Variants in ARIH1 observed in about 807,000 individuals in gnomAD.
The protein encoded by ARIH1 is ariadne RBR E3 ubiquitin protein ligase 1.
A neutral mutation model predicts 85.0 loss-of-function variants in ARIH1; 8 were observed. The ratio of observed to expected loss-of-function variants is 0.09; its 90% CI spans 0.06 to 0.17. The LOEUF is 0.17. ARIH1 is among the 10% of genes least tolerant of loss of function. ARIH1 has a pLI of 1.00. For missense variants in ARIH1, 311 were observed against 718.1 expected, an observed-to-expected ratio of 0.43 and a Z score of 6.48; for synonymous variants, 238 against 253.6, an observed-to-expected ratio of 0.94 and a Z score of 0.59.
chr15:72,504,512 G>A (rs1346149750), intron 1 of ARIH1, among the ~76,000 whole-genome samples: 1 of 152,212 alleles, frequency 6.6e-6, no homozygotes, highest in East Asian at 1.9e-4. Flanking sequence ...CTAGAGAAGA[G>A]ACAGGTTGGG....
intron 1 of ARIH1, among the ~76,000 whole-genome samples, chr15:72,476,135 C>T (rs2063794075): frequency 6.6e-6 from 1 of 152,132 alleles, no homozygotes; most frequent in South Asian, 2.1e-4. Flanking sequence ...TATTCATTGA[C>T]AAATTAGAAG....
intron 11 of ARIH1, among the ~76,000 whole-genome samples, chr15:72,576,502 T>C (rs866071699): frequency 1.8e-3 from 138 of 77,972 alleles, no homozygotes; most frequent in African/African-American, 5.9e-3. Flanking sequence ...CAAGACTCTG[T>C]CTCAAAAAAA....
chr15:72,483,912 C>A (rs751364048), intron 1 of ARIH1, among the ~76,000 whole-genome samples: 5 of 151,830 alleles, frequency 3.3e-5, no homozygotes, highest in Non-Finnish European at 7.4e-5. Flanking sequence ...TGGCTCACGC[C>A]TGTAATCCCA....
In ARIH1 at chr15:72,509,224, T is replaced by C. The variant is rs151223490; in HGVS notation, c.376-8843T>C. Among the ~76,000 whole-genome samples the C allele has an allele frequency of 3.8e-3, 574 of 151,782 alleles. 4 individuals are homozygous for C. The highest frequency in any genetic ancestry group is 0.013 in the African/African-American group (554 of 41,396). ...CAGCCTGGCCTTGAAGTCCTGACCT[T>C]AAGTGATCACCTGCCTCGGTCTCCC... is the stretch of plus-strand genomic sequence containing the variant. On this transcript the variant is annotated intron_variant, in intron 1 of 13. Coordinates refer to ENST00000379887, the MANE Select transcript of ARIH1 (RefSeq NM_005744.5).
chr15:72,516,983 A>T (rs2063977785), intron 1 of ARIH1, among the ~76,000 whole-genome samples: 1 of 152,104 alleles, frequency 6.6e-6, no homozygotes, highest in Non-Finnish European at 1.5e-5. Flanking sequence ...GGCCTTGCTG[A>T]CTTCTTAGGC....
At chr15:72,513,980 A>T (rs922960927) in intron 1 of ARIH1, among the ~76,000 whole-genome samples, 2 of 149,988 alleles carry the variant, frequency 1.3e-5, no homozygotes, top group Non-Finnish European at 3.0e-5. Context: ...AGCTACTGGG[A>T]CTAATACGCC....
At chr15:72,556,177 C>G (rs1164654778) in intron 5 of ARIH1, among the ~76,000 whole-genome samples, 1 of 144,784 alleles carries the variant, frequency 6.9e-6, no homozygotes, top group Non-Finnish European at 1.5e-5. Context: ...TTGAGGTGTT[C>G]TTGGAAGCAG....
chr15:72,477,335 TTATC>T (rs2063798709), intron 1 of ARIH1, among the ~76,000 whole-genome samples: 1 of 152,208 alleles, frequency 6.6e-6, no homozygotes, highest in South Asian at 2.1e-4. Flanking sequence ...GAAATAGCAG[TTATC>T]TAGGTTTTTA....
chr15:72,524,471 C>G (rs1305714245), intron 2 of ARIH1, among the ~76,000 whole-genome samples: 1 of 152,124 alleles, frequency 6.6e-6, no homozygotes, highest in African/African-American at 2.4e-5. Context: ...ACCTTGGCCT[C>G]CCAAAGTGCT....
chr15:72,490,260 C>G (rs1457382901), intron 1 of ARIH1, among the ~76,000 whole-genome samples: 1 of 150,662 alleles, frequency 6.6e-6, no homozygotes, highest in Admixed American at 6.6e-5. Flanking sequence ...AAAAAAAAGT[C>G]TCCTTCTCTT....
chr15:72,536,730 T>A (rs2064083603), intron 2 of ARIH1, among the ~76,000 whole-genome samples: 1 of 152,212 alleles, frequency 6.6e-6, no homozygotes, highest in South Asian at 2.1e-4. Flanking sequence ...GCCTTCATCC[T>A]GGCTCAGAAC....
chr15:72,518,688 T>C (rs1359455072), intron 2 of ARIH1, among the ~76,000 whole-genome samples: 1 of 151,086 alleles, frequency 6.6e-6, no homozygotes, highest in Non-Finnish European at 1.5e-5. Context: ...CTCAGGAGGC[T>C]GAGGCAGGAG....
At chr15:72,520,154 A>G (rs2063993232) in intron 2 of ARIH1, among the ~76,000 whole-genome samples, 1 of 152,192 alleles carries the variant, frequency 6.6e-6, no homozygotes, top group Non-Finnish European at 1.5e-5. Context: ...ATTTAAATTA[A>G]AAGGAGGTTT....
intron 9 of ARIH1, 124 bp from the exon 10 acceptor site, chr15:72,570,053 A>G (rs1341982076): frequency 4.7e-6 from 5 of 1,066,352 alleles, no homozygotes; most frequent in East Asian, 4.9e-5. Flanking sequence ...TAAGTGCTTT[A>G]TATGTATTAA....
intron 6 of ARIH1, among the ~76,000 whole-genome samples, chr15:72,563,176 G>C (rs1393463689): frequency 6.6e-6 from 1 of 152,110 alleles, no homozygotes; most frequent in Non-Finnish European, 1.5e-5. Context: ...TCAGCCTCCT[G>C]TGTAGTCGGG....
chr15:72,547,559 A>T lies in ARIH1; in HGVS notation c.588+2595A>T, dbSNP rs1202230326. On this transcript the variant is annotated intron_variant, in intron 3 of 13. Coordinates refer to ENST00000379887, the MANE Select transcript of ARIH1 (RefSeq NM_005744.5). Reference sequence around the variant, plus strand: ...TTTCTTTTTTCTTTCTGATGAGTTGAATAAGATACTCTTTCAATTTTCTTC... The same window carrying T: ...TTTCTTTTTTCTTTCTGATGAGTTGTATAAGATACTCTTTCAATTTTCTTC... 2.0e-5 allele frequency among the ~76,000 whole-genome samples: 3 copies of T among 152,304 alleles called. No individual in the cohort carries two copies. In the East Asian group the frequency reaches 5.8e-4, roughly 29 times the overall value.
Position 72,600,412 on chromosome 15 carries a change from C to CGA in ARIH1, c.*17120_*17121insGA, listed in dbSNP as rs2064378460. The CGA allele has an allele frequency of 1.3e-5, 2 of 152,198 alleles. No homozygotes were observed. Among genetic ancestry groups the CGA allele is most frequent in the Non-Finnish European group, 2.9e-5 (2 of 68,020 alleles). 9.4% of individuals were successfully genotyped at this position (152,198 alleles called of 1,614,324 possible). ...CTTGTTTGTTTGTTTTACAGTGGATCTCACTCTGTCACCCAGGCTGGAGTT... is the reference window on the plus strand; with the variant it reads ...CTTGTTTGTTTGTTTTACAGTGGATCGATCACTCTGTCACCCAGGCTGGAGTT... On this transcript the variant is annotated 3_prime_UTR_variant, in exon 14 of 14. Transcript: ENST00000379887.
At chr15:72,565,424 G>C (rs942151259) in intron 7 of ARIH1, among the ~76,000 whole-genome samples, 2 of 151,842 alleles carry the variant, frequency 1.3e-5, no homozygotes, top group Admixed American at 1.3e-4. Context: ...TGGTTTGGAG[G>C]GGGAAATATT....
Position 72,602,662 on chromosome 15 carries a change from A to G in ARIH1, c.*19370A>G, listed in dbSNP as rs1474635125. 1 of 152,208 alleles carries G rather than the reference A, an allele frequency of 6.6e-6. No individual in the cohort carries two copies. Among genetic ancestry groups the G allele is most frequent in the Non-Finnish European group, 1.5e-5 (1 of 68,040 alleles). The allele number at this position is 152,208 out of a possible 1,614,324, so 9.4% of individuals were successfully genotyped here. A position where few individuals can be genotyped will look rare whatever the true frequency, so the allele number is the denominator to read the frequency against. On this transcript the variant is annotated 3_prime_UTR_variant, in exon 14 of 14. Coordinates refer to ENST00000379887, the MANE Select transcript of ARIH1 (RefSeq NM_005744.5). ...GGTGTAGTCTATTTTATGCAGTGTG[A>G]GGCCTTTCATGCTCTGAAATGTACC... is the stretch of plus-strand genomic sequence containing the variant.
Sources: gnomAD v4.1 joint callset for allele counts (sites outside exome capture counted in the v4.1 genomes callset) on GRCh38, gnomAD v4.1.1 for gene constraint, MANE v1.5 for transcripts, NCBI Gene and HGNC (gene_info 2026-07-23, HGNC 2026-07-21) for gene names.